PHACTR3: variants seen among roughly 807,000 people sequenced by gnomAD.
PHACTR3 encodes the protein protein phosphatase 1, regulatory subunit 123.
Under a neutral mutation model 66.8 loss-of-function variants are expected in PHACTR3, and 16 were observed. That is an observed-to-expected ratio of 0.24 (90% confidence interval 0.16 to 0.36). The LOEUF is 0.36. Ranked by LOEUF, PHACTR3 falls within the 10% of genes least tolerant of loss-of-function variation. PHACTR3 has a pLI of 1.00. For missense variants in PHACTR3, 647 were observed against 719.9 expected (o/e 0.90, Z 1.16); for synonymous variants, 323 against 292.1 (o/e 1.11, Z -1.08).
intron 5 of PHACTR3, among the ~76,000 whole-genome samples, chr20:59,771,349 G>T (rs973973010): frequency 6.6e-6 from 1 of 152,158 alleles, no homozygotes; most frequent in East Asian, 1.9e-4. Context: ...GCCTGGGGAG[G>T]CTGAGGCCAG....
At chr20:59,784,832 G>A (rs929363667) in intron 7 of PHACTR3, among the ~76,000 whole-genome samples, 5 of 152,182 alleles carry the variant, frequency 3.3e-5, no homozygotes, top group African/African-American at 7.2e-5. Flanking sequence ...CATGGGAAAC[G>A]CATTCAAAGG....
chr20:59,608,679 C>T (rs1294814763), intron 1 of PHACTR3, among the ~76,000 whole-genome samples: 3 of 152,188 alleles, frequency 2.0e-5, no homozygotes, highest in South Asian at 2.1e-4. Flanking sequence ...CCTTGGCTGT[C>T]GCTGCCTTGC....
intron 8 of PHACTR3, among the ~76,000 whole-genome samples, chr20:59,806,417 T>C (rs2041572184): frequency 6.6e-6 from 1 of 152,232 alleles, no homozygotes; most frequent in Non-Finnish European, 1.5e-5. Flanking sequence ...TCTCGGCCTC[T>C]ACACACTACA....
At chr20:59,719,197 A>T (rs1260227932) in intron 1 of PHACTR3, among the ~76,000 whole-genome samples, 1 of 151,488 alleles carries the variant, frequency 6.6e-6, no homozygotes, top group Non-Finnish European at 1.5e-5. Context: ...ACAGAATCTC[A>T]CTCTGTCCAC....
At chr20:59,842,787 G>A (rs975607587) in intron 11 of PHACTR3, among the ~76,000 whole-genome samples, 11 of 152,224 alleles carry the variant, frequency 7.2e-5, no homozygotes, top group African/African-American at 2.6e-4. Context: ...GGTCCGTTTA[G>A]GTATGGAGTG....
chr20:59,757,392 G>A (rs6027083), intron 4 of PHACTR3, among the ~76,000 whole-genome samples: 8,423 of 152,338 alleles, frequency 0.055, 384 homozygotes, highest in African/African-American at 0.12. Context: ...ATTTGTATCA[G>A]GGACCCTCTC....
At chr20:59,721,331 G>T (rs992486463) in intron 1 of PHACTR3, 1 of 152,268 alleles carries the variant, frequency 6.6e-6, no homozygotes, top group Non-Finnish European at 1.5e-5. Context: ...GACTGACTTT[G>T]TGGAGATTCT....
chr20:59,847,103 T>G lies in PHACTR3; in HGVS notation c.1665-12T>G. 1 of 1,510,236 alleles carries G rather than the reference T, an allele frequency of 6.6e-7. No individual in the cohort carries two copies. The highest frequency in any genetic ancestry group is 9.2e-7 in the Non-Finnish European group (1 of 1,092,228). 93.6% of individuals were successfully genotyped at this position (1,510,236 alleles called of 1,614,324 possible). A position where few individuals can be genotyped will look rare whatever the true frequency, so the allele number is the denominator to read the frequency against. ...ATAACCTTAAATTCTTTGTCTTTTT[T>G]ATAATCTCTAGATTCCACAGGCCAT... On this transcript the variant is annotated splice_polypyrimidine_tract_variant and intron_variant, in intron 12 of 12. Transcript: ENST00000371015.
At chr20:59,655,396 C>A (rs554508322) in intron 1 of PHACTR3, among the ~76,000 whole-genome samples, 54 of 152,038 alleles carry the variant, frequency 3.6e-4, no homozygotes, top group African/African-American at 1.2e-3. Flanking sequence ...TAGTCTTTGG[C>A]TTTCTAGGAG....
At chr20:59,716,877 T>C (rs1299867274) in intron 1 of PHACTR3, among the ~76,000 whole-genome samples, 1 of 152,122 alleles carries the variant, frequency 6.6e-6, no homozygotes, top group Non-Finnish European at 1.5e-5. Flanking sequence ...TTCTAAAGGG[T>C]TCCAGAAGGC....
intron 1 of PHACTR3, among the ~76,000 whole-genome samples, chr20:59,710,227 A>G (rs2426818): frequency 0.67 from 102,150 of 152,132 alleles, 34,840 homozygotes; most frequent in African/African-American, 0.8. Flanking sequence ...TTCAGGTATT[A>G]TAAACAAGAA....
intron 1 of PHACTR3, among the ~76,000 whole-genome samples, chr20:59,605,363 C>T (rs1397932393): frequency 6.6e-6 from 1 of 152,220 alleles, no homozygotes; most frequent in Non-Finnish European, 1.5e-5. Context: ...GCAGCTTCCC[C>T]TCCTCTCCGG....
chr20:59,797,328 A>G (rs2041278329), intron 7 of PHACTR3, among the ~76,000 whole-genome samples: 1 of 150,874 alleles, frequency 6.6e-6, no homozygotes, highest in African/African-American at 2.4e-5. Flanking sequence ...CGATTCATAA[A>G]GTTTTATTTC....
At chr20:59,763,117 CA>C (rs1278744827) in intron 4 of PHACTR3, among the ~76,000 whole-genome samples, 2 of 151,992 alleles carry the variant, frequency 1.3e-5, no homozygotes, top group African/African-American at 4.8e-5. Flanking sequence ...AATTGAATCA[CA>C]GGGGGGCAGT....
chr20:59,847,032 A>G, intron 12 of PHACTR3, 83 bp from the exon 13 acceptor site: 1 of 965,740 alleles, frequency 1.0e-6, no homozygotes, highest in Admixed American at 2.0e-5. Flanking sequence ...AATAGCAGCA[A>G]ATTTATTTGT....
chr20:59,604,228 A>C (rs1283536159), upstream of PHACTR3, among the ~76,000 whole-genome samples: 1 of 152,114 alleles, frequency 6.6e-6, no homozygotes, highest in Non-Finnish European at 1.5e-5. Context: ...CAGGAGAGGA[A>C]GGACCAGGGA....
chr20:59,715,513 C>T (rs1259637003), intron 1 of PHACTR3, among the ~76,000 whole-genome samples: 2 of 152,132 alleles, frequency 1.3e-5, no homozygotes, highest in African/African-American at 4.8e-5. Context: ...CATTTCTCTG[C>T]CTCTGGTTTA....
At chr20:59,635,129 TTC>T (rs761011193) in intron 1 of PHACTR3, among the ~76,000 whole-genome samples, 5 of 79,776 alleles carry the variant, frequency 6.3e-5, no homozygotes, top group East Asian at 1.2e-3. Context: ...CTTTCTTTCT[TTC>T]TTTCTTTCTT....
chr20:59,811,000 G>A (rs184185345), intron 8 of PHACTR3, among the ~76,000 whole-genome samples: 9 of 152,326 alleles, frequency 5.9e-5, no homozygotes, highest in East Asian at 1.9e-4. Context: ...CATAGGTGCC[G>A]GCGATGTGCT....
Sources: allele counts gnomAD v4.1 joint callset (sites outside exome capture counted in the v4.1 genomes callset), GRCh38; gene constraint gnomAD v4.1.1; transcripts MANE v1.5; gene names NCBI Gene and HGNC (gene_info 2026-07-23, HGNC 2026-07-21).